The following COG4 variants were observed in gnomAD, a reference collection of about 807,000 sequenced individuals.
COG4 encodes component of oligomeric golgi complex 4, also known as conserved oligomeric Golgi complex subunit 4.
In COG4, 65 loss-of-function variants were observed where a neutral mutation model predicts 95.1. That is an observed-to-expected ratio of 0.68 (90% CI 0.56 to 0.84). The LOEUF (loss-of-function observed/expected upper bound fraction) is 0.84, where lower values mean the gene tolerates loss of function less well. COG4 is among the 40% of genes least tolerant of loss of function. The probability of loss-of-function intolerance (pLI) is 0.00; values close to 1 mark genes in which losing one functional copy is unlikely to be tolerated. For synonymous variants in COG4, 421 were observed against 374.8 expected, an observed-to-expected ratio of 1.12 and a Z score of -1.42; for missense variants, 1,045 against 989.1, an observed-to-expected ratio of 1.06 and a Z score of -0.76.
Position 70,483,918 on chromosome 16 carries a change from C to T in COG4, c.1762G>A (p.Ala588Thr), listed in dbSNP as rs2049069326. The T allele has an allele frequency of 1.9e-6, 3 of 1,613,150 alleles. No individual in the cohort carries two copies. The highest frequency in any genetic ancestry group is 2.2e-5 in the East Asian group (1 of 44,896). The change falls in exon 14 of 19, where the codon GCC becomes ACC. Residue 588 changes from alanine to threonine, a missense_variant. Transcript: ENST00000323786. ...TCAGAAAGGCAGCTGTCAAACTTGG[C>T]CTGGGCCTGCTCCCCTCCAATGCCC... is the stretch of plus-strand genomic sequence containing the variant. Reference protein sequence around the residue: ...SQGIGGEQAQAKFDSCLSDLA... With the variant: ...SQGIGGEQAQTKFDSCLSDLA...
At chr16:70,487,065 C>T (rs1044008039) in intron 13 of COG4, among the ~76,000 whole-genome samples, 9 of 150,160 alleles carry the variant, frequency 6.0e-5, no homozygotes, top group Admixed American at 6.0e-4. Flanking sequence ...CTGAGGTGGG[C>T]GGATCGCCTG....
chr16:70,515,982 C>T (rs758632793), intron 3 of COG4: 1 of 455,924 alleles, frequency 2.2e-6, no homozygotes, highest in South Asian at 1.5e-5. Flanking sequence ...TGTGGTTTTT[C>T]ACAGATGCTC....
At chr16:70,490,228 A>T (rs1422063634) in intron 13 of COG4, 102 bp downstream of exon 13, 4 of 978,894 alleles carry the variant, frequency 4.1e-6, no homozygotes, top group Admixed American at 3.4e-5. Flanking sequence ...GTGTGGCTCA[A>T]TGTCACCAAG....
At position 70,492,950 on chromosome 16, in the gene COG4, C is replaced by T. The variant is rs182920924; in HGVS notation, c.1648-2558G>A. Reference sequence around the variant, plus strand: ...TGCACCCCAGCTGGGGCAACAAGAACGAAACTCCATCTCCAAAAAAAAAAG... The same window carrying T: ...TGCACCCCAGCTGGGGCAACAAGAATGAAACTCCATCTCCAAAAAAAAAAG... On this transcript the variant is annotated intron_variant, in intron 12 of 18. Coordinates refer to ENST00000323786, the MANE Select transcript of COG4 (RefSeq NM_015386.3). Among the ~76,000 whole-genome samples, 60 of 151,968 alleles carry T rather than the reference C, an allele frequency of 3.9e-4. No homozygotes were observed. In the East Asian group the frequency reaches 0.011, roughly 27 times the overall value.
At chr16:70,521,528 A>AT (rs1203551075) in intron 1 of COG4, among the ~76,000 whole-genome samples, 2 of 151,602 alleles carry the variant, frequency 1.3e-5, no homozygotes, top group African/African-American at 4.9e-5. Flanking sequence ...GGCCATATAC[A>AT]TTTTTATTAA....
chr16:70,486,641 A>C (rs2049141848), intron 13 of COG4, among the ~76,000 whole-genome samples: 1 of 152,210 alleles, frequency 6.6e-6, no homozygotes, highest in Non-Finnish European at 1.5e-5. Context: ...TTTTACTTCC[A>C]AAACCCAACA....
At chr16:70,495,018 C>T (rs1395278370) in intron 12 of COG4, among the ~76,000 whole-genome samples, 1 of 152,084 alleles carries the variant, frequency 6.6e-6, no homozygotes, top group Non-Finnish European at 1.5e-5. Flanking sequence ...CTGCACAGGG[C>T]TTGGTAGATA....
chr16:70,519,221 G>A lies in COG4; in HGVS notation c.254+428C>T, dbSNP rs1241892498. Among the ~76,000 whole-genome samples, 6 of 45,076 alleles carry A rather than the reference G, an allele frequency of 1.3e-4. 2 individuals are homozygous for A. Among genetic ancestry groups the A allele is most frequent in the Non-Finnish European group, 1.4e-4 (4 of 28,632 alleles). 29.6% of individuals were successfully genotyped at this position (45,076 alleles called of 152,430 possible). A position where few individuals can be genotyped will look rare whatever the true frequency, so the allele number is the denominator to read the frequency against. ...GGCTCATTGCAAGCTCCGCTTCCCC[G>A]GGTTCACGCCATTCTCCTGCCTCAG... On this transcript the variant is annotated intron_variant, in intron 2 of 18. Transcript: ENST00000323786.
At position 70,481,617 on chromosome 16, in the gene COG4, G is replaced by T. The variant is rs758583810; in HGVS notation, c.2107-130C>A. 7.4e-4 allele frequency: 1,079 copies of T among 1,449,404 alleles called. 1 individual carries two copies. The highest frequency in any genetic ancestry group is 8.7e-4 in the Non-Finnish European group (904 of 1,041,364). 89.8% of individuals were successfully genotyped at this position (1,449,404 alleles called of 1,614,324 possible). A position where few individuals can be genotyped will look rare whatever the true frequency, so the allele number is the denominator to read the frequency against. ...TGCCCTGTGGTTTGTTTGCTCTACG[G>T]CTTCAGAAGCCAGAGCAGGACTGGA... On this transcript the variant is annotated intron_variant, in intron 17 of 18. Transcript: ENST00000323786.
Position 70,497,344 on chromosome 16 carries a change from C to G in COG4, c.1358G>C (p.Ser453Thr). The G allele has an allele frequency of 1.2e-6, 2 of 1,613,900 alleles. No homozygotes were observed. Among genetic ancestry groups the G allele is most frequent in the South Asian group, 2.2e-5 (2 of 91,076 alleles). ...AATGTAGAAGACATCATCCACCATG[C>G]TGGATGTCAGCTGGCCCTTCTCATA... is the stretch of plus-strand genomic sequence containing the variant. Reference protein sequence around the residue: ...DTYEKGQLTSSMVDDVFYIVK... With the variant: ...DTYEKGQLTSTMVDDVFYIVK... Residue 453 changes from serine (S) to threonine (T), a missense_variant, in exon 11 of 19, where the codon AGC becomes ACC. Physicochemically the swap from Ser to Thr is moderately conservative, Grantham distance 58 (BLOSUM62 1). Transcript: ENST00000323786.
intron 1 of COG4, among the ~76,000 whole-genome samples, chr16:70,522,879 G>A (rs1183221012): frequency 6.6e-6 from 1 of 152,130 alleles, no homozygotes; most frequent in South Asian, 2.1e-4. Context: ...CCTCTACAAA[G>A]ATGTGCATTT....
rs770369266 is a variant in COG4, at chr16:70,480,632, C to A, written c.*378G>T. 3.4e-6 allele frequency: 1 copy of A among 290,308 alleles called. No individual in the cohort carries two copies. Among genetic ancestry groups the A allele is most frequent in the Non-Finnish European group, 6.7e-6 (1 of 150,076 alleles). The allele number at this position is 290,308 out of a possible 1,614,324, so 18.0% of individuals were successfully genotyped here. On this transcript the variant is annotated 3_prime_UTR_variant, in exon 19 of 19. Transcript: ENST00000323786. ...TCACAGCCTCTCCTCAAAGTCAAGC[C>A]TAACTGCTAGGTCCCCAGATGTACC...
Position 70,480,852 on chromosome 16 carries a change from T to G in COG4, c.*158A>C. On this transcript the variant is annotated 3_prime_UTR_variant, in exon 19 of 19. Transcript: ENST00000323786. ...CCTGGCCAGGTCTGAGGGCAGAGCA[T>G]GGAGTGGGTCCAGACTTTGTTTCTC... is the stretch of plus-strand genomic sequence containing the variant. 2.5e-6 allele frequency: 2 copies of G among 811,464 alleles called. No homozygotes were observed. The highest frequency in any genetic ancestry group is 2.0e-6 in the Non-Finnish European group (1 of 496,492). The allele number at this position is 811,464 out of a possible 1,614,324, so 50.3% of individuals were successfully genotyped here. A position where few individuals can be genotyped will look rare whatever the true frequency, so the allele number is the denominator to read the frequency against.
At position 70,481,742 on chromosome 16, in the gene COG4, A is replaced by C. The variant is rs778532845; in HGVS notation, c.2106+22T>G. On this transcript the variant is annotated intron_variant, in intron 17 of 18. Coordinates refer to ENST00000323786, the MANE Select transcript of COG4 (RefSeq NM_015386.3). ...CTCAGAGGAGAAACGAGAGCCGCAGACCCATGACCCCTTTACCTTACCCGG... is the reference window on the plus strand; with the variant it reads ...CTCAGAGGAGAAACGAGAGCCGCAGCCCCATGACCCCTTTACCTTACCCGG... The C allele has an allele frequency of 1.9e-6, 3 of 1,597,412 alleles. No individual in the cohort carries two copies. The Admixed American group carries it at 5.0e-5, about 27-fold the overall frequency.
At position 70,519,382 on chromosome 16, in the gene COG4, C is replaced by T. The variant is rs1448319254; in HGVS notation, c.254+267G>A. 1.4e-5 allele frequency among the ~76,000 whole-genome samples: 2 copies of T among 144,880 alleles called. 1 individual carries two copies. Among genetic ancestry groups the T allele is most frequent in the Middle Eastern group, 7.0e-3 (2 of 286 alleles). ...GACCTCATGATCCGCCCGCCTCGGC[C>T]TCCCAAAGTGCTGGGATTACAGGCG... is the stretch of plus-strand genomic sequence containing the variant. On this transcript the variant is annotated intron_variant, in intron 2 of 18. Transcript: ENST00000323786.
Position 70,496,309 on chromosome 16 carries a change from GT to G in COG4, c.1603del (p.Thr535GlnfsTer16). The G allele has an allele frequency of 6.2e-7, 1 of 1,614,164 alleles. No homozygotes were observed. Among genetic ancestry groups the G allele is most frequent in the South Asian group, 1.1e-5 (1 of 91,080 alleles). Reference sequence around the variant, plus strand: ...CTCGTCAGTACTCTCGATGCCTTTTGTGTCAAATTTGCCTTGCTGGAGGCTG... The same window carrying G: ...CTCGTCAGTACTCTCGATGCCTTTTGGTCAAATTTGCCTTGCTGGAGGCTG... The part of the protein sequence containing the change: ...HSSLQQGKFD[T>X]KGIESTDEAK... On this transcript the variant is annotated frameshift_variant, in exon 12 of 19. Transcript: ENST00000323786. LOFTEE classifies it high-confidence loss of function.
rs762872668 is a variant in COG4, at chr16:70,481,534, G to C, written c.2107-47C>G. 5.6e-6 allele frequency: 9 copies of C among 1,609,314 alleles called. No individual in the cohort carries two copies. In the Admixed American group the frequency reaches 1.5e-4, roughly 27 times the overall value. Reference sequence around the variant, plus strand: ...GTCACTACTTAGGCCTGGCCAAGCAGAACTGGCCTCCAGTTGCCCCCAGAG... The same window carrying C: ...GTCACTACTTAGGCCTGGCCAAGCACAACTGGCCTCCAGTTGCCCCCAGAG... On this transcript the variant is annotated intron_variant, in intron 17 of 18. Coordinates refer to ENST00000323786, the MANE Select transcript of COG4 (RefSeq NM_015386.3).
At chr16:70,489,287 C>T (rs1388077768) in intron 13 of COG4, among the ~76,000 whole-genome samples, 2 of 149,954 alleles carry the variant, frequency 1.3e-5, no homozygotes, top group Non-Finnish European at 3.0e-5. Context: ...GGCGTGATCT[C>T]GGCTCACTGC....
intron 8 of COG4, among the ~76,000 whole-genome samples, chr16:70,502,847 T>G (rs1346929396): frequency 1.3e-5 from 2 of 152,114 alleles, no homozygotes; most frequent in Non-Finnish European, 2.9e-5. Context: ...ATATATGGAT[T>G]AATGGAACAG....
Sources: gnomAD v4.1 joint callset for allele counts (sites outside exome capture counted in the v4.1 genomes callset) on GRCh38, gnomAD v4.1.1 for gene constraint, MANE v1.5 for transcripts, NCBI Gene and HGNC (gene_info 2026-07-23, HGNC 2026-07-21) for gene names.